CLUH: variants seen among roughly 807,000 people sequenced by gnomAD.
CLUH encodes the protein CLUH binding protein of NUMT mRNA, also known as clustered mitochondria protein homolog.
Under a neutral mutation model 139.3 loss-of-function variants are expected in CLUH, and 77 were observed. The ratio of observed to expected loss-of-function variants is 0.55; its 90% CI spans 0.46 to 0.67. The LOEUF is 0.67. CLUH is among the 30% of genes least tolerant of loss of function. The pLI, the probability that CLUH is intolerant of heterozygous loss-of-function variation, is 0.00. For synonymous variants in CLUH, 999 were observed against 801.6 expected (o/e 1.25, Z -4.16); for missense variants, 1,876 against 1,875.8 (o/e 1.00, Z 0.00).
At position 2,689,905 on chromosome 17, in the gene CLUH, G is replaced by A. The variant is rs1178252653; in HGVS notation, c.*689C>T. 6.5e-6 allele frequency: 1 copy of A among 152,738 alleles called. No homozygotes were observed. The highest frequency in any genetic ancestry group is 1.5e-5 in the Non-Finnish European group (1 of 68,184). 9.5% of individuals were successfully genotyped at this position (152,738 alleles called of 1,614,324 possible). On this transcript the variant is annotated 3_prime_UTR_variant, in exon 26 of 26. Coordinates refer to ENST00000651024, the MANE Select transcript of CLUH (RefSeq NM_001366661.1). ...CCCAGCTGGGTGCAGGGAGTAGGGA[G>A]CCGAGTCAGAGCCACCCACTGGGCT...
rs1199202175 is a variant in CLUH, at chr17:2,711,701, C to T, written c.-40G>A. 5.6e-5 allele frequency: 50 copies of T among 887,892 alleles called. No individual in the cohort carries two copies. Among genetic ancestry groups the T allele is most frequent in the Non-Finnish European group, 6.2e-5 (46 of 741,104 alleles). The allele number at this position is 887,892 out of a possible 1,614,324, so 55.0% of individuals were successfully genotyped here. On this transcript the variant is annotated 5_prime_UTR_variant, in exon 1 of 26. Coordinates refer to ENST00000651024, the MANE Select transcript of CLUH (RefSeq NM_001366661.1). ...GCGTCCGCCTCGGCTGTCCGCGCCG[C>T]CCGCCGCGCCACTAACCCAAGTGCC...
intron 19 of CLUH, 146 bp downstream of exon 19, chr17:2,693,754 A>G (rs1268588120): frequency 4.8e-6 from 5 of 1,047,974 alleles, no homozygotes; most frequent in Non-Finnish European, 6.8e-6. Context: ...ACACAGTTAC[A>G]GAGGGGTGGA....
At chr17:2,696,668 C>T (rs186143146) in intron 11 of CLUH, 51 bp downstream of exon 11, 9 of 1,597,256 alleles carry the variant, frequency 5.6e-6, no homozygotes, top group Non-Finnish European at 7.7e-6. Context: ...TCATAAGCCA[C>T]CCTGGCAGGG....
In CLUH at chr17:2,695,545, C is replaced by T; in HGVS notation, c.2392-19G>A. On this transcript the variant is annotated intron_variant, in intron 13 of 25. Transcript: ENST00000651024. ...CCTTCACCTGCGGGCTGCAGCAGCT[C>T]AGGCCCCCACCCAGCTCCTCTGCCT... The T allele has an allele frequency of 6.4e-7, 1 of 1,574,254 alleles. No individual in the cohort carries two copies. Among genetic ancestry groups the T allele is most frequent in the Non-Finnish European group, 8.6e-7 (1 of 1,166,396 alleles).
chr17:2,701,066 G>A (rs1567592218), intron 7 of CLUH, 74 bp downstream of exon 7: 1 of 1,607,096 alleles, frequency 6.2e-7, no homozygotes, highest in Non-Finnish European at 8.5e-7. Context: ...CAGAAGCACT[G>A]GAGTGCAGGT....
intron 4 of CLUH, 77 bp from the exon 5 acceptor site, chr17:2,701,814 C>T: frequency 6.4e-7 from 1 of 1,571,144 alleles, no homozygotes; most frequent in Non-Finnish European, 8.6e-7. Flanking sequence ...TGGCCGTGGT[C>T]CGGGTGCCTC....
At position 2,695,408 on chromosome 17, in the gene CLUH, C is replaced by CGCAGCACCAGCT; in HGVS notation, c.2498_2509dup (p.Leu836_Arg837insGlnLeuValLeu). The CGCAGCACCAGCT allele has an allele frequency of 6.2e-7, 1 of 1,612,724 alleles. No homozygotes were observed. The highest frequency in any genetic ancestry group is 1.7e-5 in the Admixed American group (1 of 60,006). On this transcript the variant is annotated inframe_insertion, in exon 14 of 26. Transcript: ENST00000651024. ...GTCCAGCTGGTGGCGGGCCGGGCTC[C>CGCAGCACCAGCT]GCAGCACCAGCTCCAGCACCTTGCC...
chr17:2,708,178 G>A (rs538286365), intron 1 of CLUH, among the ~76,000 whole-genome samples: 2 of 152,286 alleles, frequency 1.3e-5, no homozygotes, highest in East Asian at 3.9e-4. Context: ...AGGGTGGGCG[G>A]GAGCCAGGCT....
Position 2,698,127 on chromosome 17 carries a change from C to A in CLUH, c.1730G>T (p.Arg577Leu). Residue 577 changes from arginine to leucine, a missense_variant, in exon 10 of 26, where the codon CGT (arginine) becomes CTT (leucine). Around this residue, in one of 3 missense-constraint regions of CLUH, gnomAD observed 1,454 missense variants for 1,384.4 expected, o/e 1.05. Coordinates refer to ENST00000651024, the MANE Select transcript of CLUH (RefSeq NM_001366661.1). ...GGAGCAGAGCTCCACCTCCTCGTCACGGTCGTTGAGCACCTGGTGCCGCAG... is the reference window on the plus strand; with the variant it reads ...GGAGCAGAGCTCCACCTCCTCGTCAAGGTCGTTGAGCACCTGGTGCCGCAG... ...KILRHQVLNDRDEEVELCSSV... is the reference protein window; with the variant it reads ...KILRHQVLNDLDEEVELCSSV... 2 of 1,591,796 alleles carry A rather than the reference C, an allele frequency of 1.3e-6. No individual in the cohort carries two copies. Among genetic ancestry groups the A allele is most frequent in the Middle Eastern group, 1.7e-4 (1 of 6,042 alleles).
At chr17:2,709,690 T>A (rs1460403356) in intron 1 of CLUH, among the ~76,000 whole-genome samples, 1 of 152,042 alleles carries the variant, frequency 6.6e-6, no homozygotes. Flanking sequence ...CTAGATCAGC[T>A]CCTTCCTAAG....
rs2070388448 is a variant in CLUH at position 2,707,725 on chromosome 17, C to T, written c.101-3161G>A. On this transcript the variant is annotated intron_variant, in intron 1 of 25. Coordinates refer to ENST00000651024, the MANE Select transcript of CLUH (RefSeq NM_001366661.1). This position sits in a 1 kb window ranked among gnomAD's most constrained non-coding sequence, Gnocchi z 7.4. ...AGCTGCCGCCAACAGCTGGCACAGACCCGGGTCCAGGCCATAAGGTGGCTG... is the reference window on the plus strand; with the variant it reads ...AGCTGCCGCCAACAGCTGGCACAGATCCGGGTCCAGGCCATAAGGTGGCTG... The T allele has an allele frequency of 5.1e-6, 5 of 985,436 alleles. No individual in the cohort carries two copies. Among genetic ancestry groups the T allele is most frequent in the Non-Finnish European group, 4.8e-6 (4 of 829,912 alleles). The allele number at this position is 985,436 out of a possible 1,614,324, so 61.0% of individuals were successfully genotyped here.
At chr17:2,698,821 A>G (rs1361460908) in intron 9 of CLUH, among the ~76,000 whole-genome samples, 1 of 152,142 alleles carries the variant, frequency 6.6e-6, no homozygotes, top group Non-Finnish European at 1.5e-5. Flanking sequence ...AGGCGGTCAG[A>G]CCACTTGAGG....
chr17:2,692,130 G>A lies in CLUH; in HGVS notation c.3561-33C>T, dbSNP rs540828484. 4.5e-6 allele frequency: 7 copies of A among 1,560,436 alleles called. No individual in the cohort carries two copies. The South Asian group carries it at 5.8e-5, about 13-fold the overall frequency. ...GAGGCGCGGCGCGGGGCGAGGGAAG[G>A]GCATAAGTGGGCTGGGTGTGGGGGC... On this transcript the variant is annotated intron_variant, in intron 22 of 25. Coordinates refer to ENST00000651024, the MANE Select transcript of CLUH (RefSeq NM_001366661.1).
intron 13 of CLUH, 98 bp downstream of exon 13, chr17:2,696,061 T>C: frequency 1.0e-6 from 1 of 987,760 alleles, no homozygotes; most frequent in Non-Finnish European, 1.5e-6. Context: ...AAAAAGTCAC[T>C]CCTGCGAGCC....
rs2070055986 is a variant in CLUH, at chr17:2,698,513, G to A, written c.1344C>T (p.Pro448=). The change falls in exon 10 of 26, where the codon CCC becomes CCT. Residue 448 remains proline (P), a synonymous_variant. Transcript: ENST00000651024. ...VIDGNVMAIN[P]SEETKMQMFI... ...ACATCTGCATCTTGGTCTCCTCGCT[G>A]GGGTTGATGGCCATCACGTTGCCGT... The A allele has an allele frequency of 6.2e-7, 1 of 1,612,898 alleles. No homozygotes were observed. Among genetic ancestry groups the A allele is most frequent in the Non-Finnish European group, 8.5e-7 (1 of 1,179,692 alleles).
chr17:2,702,884 G>A (rs1475069626), intron 3 of CLUH, among the ~76,000 whole-genome samples: 2 of 151,886 alleles, frequency 1.3e-5, no homozygotes, highest in Admixed American at 1.3e-4. Context: ...GAGTGCAGTG[G>A]CACGATCCGG....
At chr17:2,711,205 G>A (rs2070509578) in intron 1 of CLUH, 1 of 152,370 alleles carries the variant, frequency 6.6e-6, no homozygotes, top group South Asian at 2.1e-4. Flanking sequence ...CCCCAGCTCA[G>A]AGAGCTCCCA....
At chr17:2,695,606 T>C (rs1393521581) in intron 13 of CLUH, 80 bp from the exon 14 acceptor site, 17 of 1,456,900 alleles carry the variant, frequency 1.2e-5, no homozygotes, top group Admixed American at 2.4e-5. Context: ...AGCACAGCTA[T>C]CCTGGGAGGC....
At position 2,690,708 on chromosome 17, in the gene CLUH, G is replaced by C; in HGVS notation, c.3933C>G (p.Asn1311Lys). The C allele has an allele frequency of 6.4e-7, 1 of 1,561,164 alleles. No homozygotes were observed. Among genetic ancestry groups the C allele is most frequent in the Non-Finnish European group, 8.6e-7 (1 of 1,160,684 alleles). ...RRHQLQEASR[N>K]RDRAEEPMAT... ...CCATGGGCTCCTCGGCTCTATCCCT[G>C]TTTCTGCTGGCCTCCTGGAGCTGGT... The change falls in exon 26 of 26, where the codon AAC becomes AAG. Residue 1311 changes from asparagine to lysine, a missense_variant. Asn to Lys is a moderately conservative substitution (Grantham distance 94). Transcript: ENST00000651024.
Sources: allele counts gnomAD v4.1 joint callset (sites outside exome capture counted in the v4.1 genomes callset), GRCh38; gene constraint gnomAD v4.1.1; regional missense constraint gnomAD v4.1.1; non-coding constraint Gnocchi (gnomAD v3.1); transcripts MANE v1.5; gene names NCBI Gene and HGNC (gene_info 2026-07-23, HGNC 2026-07-21).